The following PIK3C2G variants were observed in gnomAD, a reference collection of about 807,000 sequenced individuals.
PIK3C2G encodes the protein phosphatidylinositol-4-phosphate 3-kinase catalytic subunit type 2 gamma, also known as phosphatidylinositol 3-kinase C2 domain-containing subunit gamma.
Under a neutral mutation model 181.1 loss-of-function variants are expected in PIK3C2G, and 168 were observed. That is an observed-to-expected ratio of 0.93 (90% CI 0.82 to 1.05). PIK3C2G has a LOEUF of 1.05. Among genes scored for constraint, PIK3C2G ranks in the 50% least tolerant of loss-of-function variants. The pLI, the probability that PIK3C2G is intolerant of heterozygous loss-of-function variation, is 0.00. For synonymous variants in PIK3C2G, 573 were observed against 592.2 expected (o/e 0.97, Z 0.47); for missense variants, 1,869 against 1,732.8 (o/e 1.08, Z -1.40).
At chr12:18,642,618 C>T (rs1488838235) in intron 32 of PIK3C2G, among the ~76,000 whole-genome samples, 1 of 152,130 alleles carries the variant, frequency 6.6e-6, no homozygotes, top group Non-Finnish European at 1.5e-5. Context: ...ACCTCGTGGA[C>T]TCACACCACA....
chr12:18,567,728 T>C (rs954663032), intron 29 of PIK3C2G, among the ~76,000 whole-genome samples: 4 of 152,002 alleles, frequency 2.6e-5, no homozygotes, highest in Non-Finnish European at 5.9e-5. Context: ...AGAAAATTTA[T>C]GAGTGAGAAA....
intron 18 of PIK3C2G, among the ~76,000 whole-genome samples, chr12:18,448,104 A>G (rs1407927310): frequency 6.6e-6 from 1 of 152,174 alleles, no homozygotes; most frequent in Non-Finnish European, 1.5e-5. Context: ...CTCACTAAGT[A>G]GTATTAATTA....
chr12:18,303,993 T>G (rs2137318735), intron 5 of PIK3C2G, among the ~76,000 whole-genome samples: 1 of 152,176 alleles, frequency 6.6e-6, no homozygotes, highest in Non-Finnish European at 1.5e-5. Flanking sequence ...TTGGAAGTAG[T>G]TATATATTTT....
At chr12:18,255,264 C>T (rs1207934488) in intron 1 of PIK3C2G, among the ~76,000 whole-genome samples, 1 of 147,264 alleles carries the variant, frequency 6.8e-6, no homozygotes. Context: ...AACAAACAAA[C>T]AAACAAATAA....
chr12:18,654,172 C>T, the PIK3C2G span, among the ~76,000 whole-genome samples: 1 of 151,642 alleles, frequency 6.6e-6, no homozygotes, highest in Non-Finnish European at 1.5e-5. Context: ...ATGCTAGTAG[C>T]TGGAAGAGAT....
intron 1 of PIK3C2G, among the ~76,000 whole-genome samples, chr12:18,278,580 A>C (rs1949081536): frequency 6.6e-6 from 1 of 152,200 alleles, no homozygotes; most frequent in South Asian, 2.1e-4. Flanking sequence ...AGTTTTGTCT[A>C]CAAAATACAT....
chr12:18,513,088 T>C (rs1565465326), intron 24 of PIK3C2G, among the ~76,000 whole-genome samples: 1 of 151,810 alleles, frequency 6.6e-6, no homozygotes, highest in Non-Finnish European at 1.5e-5. Context: ...AAATTTAGTG[T>C]ATCACATTTA....
At chr12:18,414,803 T>A (rs1280996088) in intron 16 of PIK3C2G, among the ~76,000 whole-genome samples, 1 of 152,228 alleles carries the variant, frequency 6.6e-6, no homozygotes, top group Non-Finnish European at 1.5e-5. Flanking sequence ...TCAGCAGTAC[T>A]GCTGGCATCA....
chr12:18,422,721 G>A (rs899227895), intron 17 of PIK3C2G, among the ~76,000 whole-genome samples: 13 of 152,034 alleles, frequency 8.6e-5, no homozygotes, highest in Admixed American at 8.5e-4. Context: ...CATAGATACT[G>A]GGTTCAAGAA....
intron 18 of PIK3C2G, among the ~76,000 whole-genome samples, chr12:18,425,631 CT>C (rs1436319955): frequency 6.6e-6 from 1 of 152,076 alleles, no homozygotes; most frequent in Non-Finnish European, 1.5e-5. Context: ...ACCTCATGAT[CT>C]GCCTGCCTTG....
chr12:18,513,375 T>TC (rs993698866), intron 24 of PIK3C2G, among the ~76,000 whole-genome samples: 8 of 100,352 alleles, frequency 8.0e-5, no homozygotes, highest in Admixed American at 1.2e-4. Flanking sequence ...GAATTGGTAT[T>TC]CTTTTTTTTT....
chr12:18,446,685 G>A lies in PIK3C2G; in HGVS notation c.2504+22646G>A, dbSNP rs575335624. Among the ~76,000 whole-genome samples, 444 of 152,168 alleles carry A rather than the reference G, an allele frequency of 2.9e-3. 2 individuals are homozygous for A. The highest frequency in any genetic ancestry group is 3.8e-3 in the Non-Finnish European group (259 of 67,996). The stretch of plus-strand genomic sequence containing the variant: ...TGTTGTTTTGCTATAATTAACATAG[G>A]AATGATTAAAAGTGAATATTTAATC... On this transcript the variant is annotated intron_variant, in intron 18 of 32. Coordinates refer to ENST00000538779, the MANE Select transcript of PIK3C2G (RefSeq NM_001288772.2).
chr12:18,273,162 A>G (rs1010275993), intron 1 of PIK3C2G, among the ~76,000 whole-genome samples: 2 of 152,214 alleles, frequency 1.3e-5, no homozygotes, highest in African/African-American at 4.8e-5. Flanking sequence ...AGTCACTTAT[A>G]TGATTAACAA....
chr12:18,663,405 C>G, the PIK3C2G span, among the ~76,000 whole-genome samples: 34 of 152,176 alleles, frequency 2.2e-4, no homozygotes, highest in African/African-American at 8.2e-4. Flanking sequence ...ATTTACATAA[C>G]ATTTACATTG....
At chr12:18,491,649 T>C (rs968823341) in intron 20 of PIK3C2G, 91 bp downstream of exon 20, 2 of 697,530 alleles carry the variant, frequency 2.9e-6, no homozygotes, top group Non-Finnish European at 4.9e-6. Flanking sequence ...AAAGAATTCG[T>C]AAGTTGACAC....
intron 16 of PIK3C2G, among the ~76,000 whole-genome samples, chr12:18,416,340 G>A (rs1197176173): frequency 6.6e-6 from 1 of 152,202 alleles, no homozygotes; most frequent in Non-Finnish European, 1.5e-5. Flanking sequence ...TGATGTAGAA[G>A]CTGCAGCAAG....
At chr12:18,331,440 A>AT (rs1436069101) in intron 8 of PIK3C2G, among the ~76,000 whole-genome samples, 5 of 152,004 alleles carry the variant, frequency 3.3e-5, no homozygotes, top group Middle Eastern at 3.2e-3. Flanking sequence ...TTTAAATAAT[A>AT]TTTTTATATT....
chr12:18,498,004 T>C (rs987445086), intron 22 of PIK3C2G, among the ~76,000 whole-genome samples: 1 of 152,226 alleles, frequency 6.6e-6, no homozygotes, highest in Admixed American at 6.5e-5. Context: ...TTATTTTATG[T>C]GTCTTTAAGA....
At chr12:18,645,340 A>T (rs905060094) in intron 32 of PIK3C2G, among the ~76,000 whole-genome samples, 2 of 152,184 alleles carry the variant, frequency 1.3e-5, no homozygotes, top group African/African-American at 4.8e-5. Flanking sequence ...ATCAGAATAG[A>T]TATTTATCAT....
Sources: gnomAD v4.1 joint callset for allele counts (sites outside exome capture counted in the v4.1 genomes callset) on GRCh38, gnomAD v4.1.1 for gene constraint, MANE v1.5 for transcripts, NCBI Gene and HGNC (gene_info 2026-07-23, HGNC 2026-07-21) for gene names.